PCCA: variants seen among roughly 807,000 people sequenced by gnomAD.
PCCA encodes propionyl-CoA carboxylase subunit alpha.
A neutral mutation model predicts 101.3 loss-of-function variants in PCCA; 74 were observed. That is an observed-to-expected ratio of 0.73 (90% CI 0.61 to 0.89). PCCA has a LOEUF of 0.89. Ranked by LOEUF, PCCA falls within the 40% of genes least tolerant of loss-of-function variation. PCCA has a pLI of 0.00. For synonymous variants in PCCA, 294 were observed against 313.6 expected (o/e 0.94, Z 0.66); for missense variants, 891 against 907.0 (o/e 0.98, Z 0.23).
intron 8 of PCCA, among the ~76,000 whole-genome samples, chr13:100,241,537 C>G (rs1227653815): frequency 1.3e-5 from 2 of 152,076 alleles, no homozygotes; most frequent in Non-Finnish European, 2.9e-5. Context: ...GTGGTGTGAT[C>G]CCAGCTCACT....
At chr13:100,428,144 G>A (rs918822177) in intron 20 of PCCA, among the ~76,000 whole-genome samples, 13 of 151,794 alleles carry the variant, frequency 8.6e-5, no homozygotes, top group Non-Finnish European at 1.3e-4. Context: ...TGGGTTCACC[G>A]CAGCTTTGAC....
At chr13:100,331,538 A>T (rs2069572057) in intron 17 of PCCA, among the ~76,000 whole-genome samples, 1 of 152,192 alleles carries the variant, frequency 6.6e-6, no homozygotes, top group African/African-American at 2.4e-5. Flanking sequence ...TTCAGTTCAG[A>T]ATTTACAATA....
chr13:100,478,859 G>A (rs1566417384), intron 21 of PCCA, among the ~76,000 whole-genome samples: 1 of 152,154 alleles, frequency 6.6e-6, no homozygotes, highest in Non-Finnish European at 1.5e-5. Context: ...TCATATTATA[G>A]TAACAGAATT....
At chr13:100,217,998 C>T (rs979397671) in intron 7 of PCCA, among the ~76,000 whole-genome samples, 3 of 151,490 alleles carry the variant, frequency 2.0e-5, no homozygotes, top group East Asian at 3.9e-4. Context: ...TCACTAGAAC[C>T]CTGGGGGAGG....
At chr13:100,389,292 A>G (rs140320051) in intron 19 of PCCA, among the ~76,000 whole-genome samples, 15 of 152,292 alleles carry the variant, frequency 9.8e-5, no homozygotes, top group African/African-American at 3.1e-4. Flanking sequence ...TTGAAGGCCT[A>G]CATAAAAAGT....
At chr13:100,469,013 A>C (rs138109948) in intron 21 of PCCA, among the ~76,000 whole-genome samples, 15,758 of 151,498 alleles carry the variant, frequency 0.1, 1,364 homozygotes, top group African/African-American at 0.24. Flanking sequence ...GGAGTTCGAG[A>C]GCAGCCTGAC....
intron 18 of PCCA, among the ~76,000 whole-genome samples, chr13:100,342,941 C>T (rs185186956): frequency 4.6e-5 from 7 of 151,898 alleles, no homozygotes; most frequent in Admixed American, 1.3e-4. Flanking sequence ...AGGCTAGTCT[C>T]GAACTCCTGG....
chr13:100,410,566 C>A (rs1414174857), intron 19 of PCCA, among the ~76,000 whole-genome samples: 1 of 152,210 alleles, frequency 6.6e-6, no homozygotes, highest in Non-Finnish European at 1.5e-5. Context: ...AAAGTCTACA[C>A]ACAGTGGAGC....
chr13:100,427,732 T>TA (rs79186516), intron 20 of PCCA, among the ~76,000 whole-genome samples: 3,667 of 132,190 alleles, frequency 0.028, 63 homozygotes, highest in Non-Finnish European at 0.042. Context: ...GTCGTTTACC[T>TA]AAAAAAAAAA....
intron 18 of PCCA, among the ~76,000 whole-genome samples, chr13:100,363,238 C>T (rs1301736720): frequency 6.6e-6 from 1 of 152,040 alleles, no homozygotes; most frequent in Non-Finnish European, 1.5e-5. Flanking sequence ...GTTGTTCCTC[C>T]CCTTCCCCAA....
At chr13:100,389,411 G>A (rs1340408259) in intron 19 of PCCA, among the ~76,000 whole-genome samples, 1 of 152,182 alleles carries the variant, frequency 6.6e-6, no homozygotes, top group Non-Finnish European at 1.5e-5. Flanking sequence ...AATGCCGCAT[G>A]TTCACATTTA....
chr13:100,426,826 T>A (rs2079177617), intron 20 of PCCA, among the ~76,000 whole-genome samples: 1 of 152,172 alleles, frequency 6.6e-6, no homozygotes, highest in South Asian at 2.1e-4. Flanking sequence ...TAATATTATA[T>A]CAGTATAAAT....
rs1455261583 is a variant in PCCA, at chr13:100,307,285, A to G, written c.1353+25A>G. On this transcript the variant is annotated intron_variant, in intron 15 of 23. Transcript: ENST00000376285. ...AGTTAGTTTAATTTCTCAATGGATT[A>G]TTTGATTTCTTCGAAAAATCAATGA... is the stretch of plus-strand genomic sequence containing the variant. 11 of 1,424,344 alleles carry G rather than the reference A, an allele frequency of 7.7e-6. No individual in the cohort carries two copies. In the Admixed American group the frequency reaches 1.0e-4, roughly 13 times the overall value. 88.2% of individuals were successfully genotyped at this position (1,424,344 alleles called of 1,614,324 possible).
At chr13:100,117,852 C>CA (rs1190571563) in intron 4 of PCCA, among the ~76,000 whole-genome samples, 1 of 152,002 alleles carries the variant, frequency 6.6e-6, no homozygotes, top group African/African-American at 2.4e-5. Context: ...CGTAGTGGCT[C>CA]ACGCCTGTAA....
intron 18 of PCCA, among the ~76,000 whole-genome samples, chr13:100,353,706 A>G (rs1281277305): frequency 1.3e-5 from 2 of 152,186 alleles, no homozygotes; most frequent in Non-Finnish European, 2.9e-5. Flanking sequence ...TAATCCTAGC[A>G]CTTTGGGAGG....
chr13:100,330,485 T>C, intron 16 of PCCA, 76 bp from the exon 17 acceptor site: 1 of 877,816 alleles, frequency 1.1e-6, no homozygotes, highest in Admixed American at 1.8e-5. Flanking sequence ...ACAGTGATGA[T>C]AAATTTCTCC....
At position 100,209,389 on chromosome 13, in the gene PCCA, G is replaced by A. The variant is rs1047690554; in HGVS notation, c.526G>A (p.Asp176Asn). 6.8e-6 allele frequency: 11 copies of A among 1,612,816 alleles called. No homozygotes were observed. Among genetic ancestry groups the A allele is most frequent in the African/African-American group, 5.3e-5 (4 of 74,892 alleles). ...CACACATGCTATTCAAGCCATGGGCGACAAGATTGAAAGCAAATTATTAGC... is the reference window on the plus strand; with the variant it reads ...CACACATGCTATTCAAGCCATGGGCAACAAGATTGAAAGCAAATTATTAGC... ...PDTHAIQAMG[D>N]KIESKLLAKK... Residue 176 changes from aspartate to asparagine, a missense_variant, in exon 7 of 24, where the codon GAC becomes AAC. Coordinates refer to ENST00000376285, the MANE Select transcript of PCCA (RefSeq NM_000282.4).
At chr13:100,194,953 A>T (rs995919732) in intron 6 of PCCA, among the ~76,000 whole-genome samples, 1 of 152,174 alleles carries the variant, frequency 6.6e-6, no homozygotes, top group Admixed American at 6.5e-5. Context: ...AATTATATTC[A>T]TAGTTATTGT....
chr13:100,423,696 A>C (rs2078968801), intron 19 of PCCA, among the ~76,000 whole-genome samples: 1 of 152,124 alleles, frequency 6.6e-6, no homozygotes, highest in African/African-American at 2.4e-5. Flanking sequence ...TGGGAAGAAA[A>C]ATTTGTGAGT....
Sources: gnomAD v4.1 joint callset for allele counts (sites outside exome capture counted in the v4.1 genomes callset) on GRCh38, gnomAD v4.1.1 for gene constraint, MANE v1.5 for transcripts, NCBI Gene and HGNC (gene_info 2026-07-23, HGNC 2026-07-21) for gene names.